Variants in WDR18 observed in about 807,000 individuals in gnomAD.
WDR18 encodes the protein WD repeat-containing protein 18.
Under a neutral mutation model 49.6 loss-of-function variants are expected in WDR18, and 33 were observed. The observed-to-expected ratio is 0.67, with a 90% CI of 0.50 to 0.89. WDR18 has a LOEUF of 0.89. Among genes scored for constraint, WDR18 ranks in the 40% least tolerant of loss-of-function variants. The pLI is 0.00. For missense variants in WDR18, 653 were observed against 593.6 expected (o/e 1.10, Z -1.04); for synonymous variants, 315 against 263.6 (o/e 1.19, Z -1.89).
At chr19:988,065 G>C (rs1020852841) in intron 2 of WDR18, among the ~76,000 whole-genome samples, 4 of 151,956 alleles carry the variant, frequency 2.6e-5, no homozygotes, top group Admixed American at 2.6e-4. Context: ...CCTGGTCTCA[G>C]GTGATCCGCC....
intron 8 of WDR18, 105 bp downstream of exon 8, chr19:992,226 C>G (rs2038568933): frequency 7.5e-7 from 1 of 1,333,348 alleles, no homozygotes; most frequent in Non-Finnish European, 9.7e-7. Flanking sequence ...CGGCGGTTCC[C>G]CACAAGCCCG....
upstream of WDR18, chr19:984,268 C>G: frequency 2.3e-6 from 3 of 1,333,004 alleles, no homozygotes; most frequent in Non-Finnish European, 2.9e-6. Flanking sequence ...CCGCTGGGGC[C>G]GCGGGGCCGC....
At chr19:985,997 C>G (rs2074574) in intron 2 of WDR18, 22 bp downstream of exon 2, 1,073,028 of 1,607,830 alleles carry the variant, frequency 0.67, 362,406 homozygotes, top group Non-Finnish European at 0.7. Context: ...AAAGCGTGAG[C>G]GTTTCCCACA....
Position 990,285 on chromosome 19 carries a change from TC to T in WDR18, c.522del (p.Ile175SerfsTer24). On this transcript the variant is annotated frameshift_variant, in exon 4 of 10. Transcript: ENST00000585809. LOFTEE classifies it high-confidence loss of function. ...AGGCACGTCTGGTCTCACCACGCGC[TC>T]CCCATCACGGACCTGCACTGCGGCT... is the stretch of plus-strand genomic sequence containing the variant. The part of the protein sequence containing the change: ...APRHVWSHHA[L>X]PITDLHCGFG... 1 of 1,598,760 alleles carries T rather than the reference TC, an allele frequency of 6.3e-7. No homozygotes were observed.
At chr19:984,654 C>T (rs991691688) in intron 1 of WDR18, 91 bp downstream of exon 1, 2 of 1,277,390 alleles carry the variant, frequency 1.6e-6, no homozygotes, top group Non-Finnish European at 2.0e-6. Flanking sequence ...CACCCTTAGT[C>T]GGAATTGGCG....
At chr19:984,298 C>T, upstream of WDR18, 2 of 1,471,982 alleles carry the variant, frequency 1.4e-6, no homozygotes, top group East Asian at 5.7e-5. Flanking sequence ...CCGCGTGGGG[C>T]AGTCGTCCGC....
upstream of WDR18, chr19:984,214 A>G (rs2038447785): frequency 2.2e-5 from 20 of 902,036 alleles, no homozygotes; most frequent in Non-Finnish European, 3.0e-5. Context: ...CTTCACAAGA[A>G]AGCCCCTCTC....
chr19:991,381 AGCGCGCAG>A, intron 7 of WDR18, 30 bp downstream of exon 7: 1 of 1,422,234 alleles, frequency 7.0e-7, no homozygotes, highest in South Asian at 1.2e-5. Context: ...GCCCGCGGCC[AGCGCGCAG>A]GGGAAAAAGC....
intron 2 of WDR18, among the ~76,000 whole-genome samples, 160 bp from the exon 3 acceptor site, chr19:989,602 G>GC (rs1301872890): frequency 1.3e-5 from 2 of 152,222 alleles, no homozygotes; most frequent in African/African-American, 4.8e-5. Flanking sequence ...GTACCTGCTG[G>GC]CCGCTGCCCT....
intron 7 of WDR18, 151 bp from the exon 8 acceptor site, chr19:991,804 G>T (rs1446431161): frequency 1.2e-6 from 1 of 834,746 alleles, no homozygotes. Context: ...GCGTGGACTG[G>T]TCGTGGGGCG....
At chr19:986,448 T>G (rs1175101132) in intron 2 of WDR18, among the ~76,000 whole-genome samples, 1 of 152,112 alleles carries the variant, frequency 6.6e-6, no homozygotes, top group Non-Finnish European at 1.5e-5. Flanking sequence ...TTGTTTGTAT[T>G]TAGTAGAGAA....
At chr19:985,751 C>T in intron 1 of WDR18, 114 bp from the exon 2 acceptor site, 4 of 936,854 alleles carry the variant, frequency 4.3e-6, no homozygotes, top group Non-Finnish European at 5.0e-6. Context: ...CCCGACTCCT[C>T]TTCCTGGTTC....
chr19:992,017 C>T lies in WDR18; in HGVS notation c.994C>T (p.Pro332Ser). The stretch of plus-strand genomic sequence containing the variant: ...CAGCATGCTGAGCTCAGACTTCAGG[C>T]CCAGCCTGCCGCTGCCCCACTTCAA... The part of the protein sequence containing the change: ...PVSMLSSDFR[P>S]SLPLPHFNKH... The change falls in exon 8 of 10, where the codon CCC becomes TCC. Residue 332 changes from proline to serine, a missense_variant. Pro to Ser is a moderately conservative substitution (Grantham distance 74). Coordinates refer to ENST00000585809, the MANE Select transcript of WDR18 (RefSeq NM_024100.4). 3 of 1,595,346 alleles carry T rather than the reference C, an allele frequency of 1.9e-6. No individual in the cohort carries two copies. The highest frequency in any genetic ancestry group is 2.6e-6 in the Non-Finnish European group (3 of 1,175,032).
At chr19:990,465 A>G in intron 4 of WDR18, 101 bp downstream of exon 4, 1 of 1,394,642 alleles carries the variant, frequency 7.2e-7, no homozygotes, top group Middle Eastern at 1.9e-4. Flanking sequence ...CCCTGCTGTC[A>G]GGACTCCAGA....
At chr19:987,421 TG>T (rs368230445) in intron 2 of WDR18, among the ~76,000 whole-genome samples, 1 of 152,280 alleles carries the variant, frequency 6.6e-6, no homozygotes, top group African/African-American at 2.4e-5. Context: ...CACGTGTGTA[TG>T]TATTTAATTT....
At chr19:989,937 C>A in intron 3 of WDR18, 42 bp downstream of exon 3, 2 of 1,550,954 alleles carry the variant, frequency 1.3e-6, no homozygotes, top group African/African-American at 1.4e-5. Context: ...GAACTGCACC[C>A]GGGCTCAGGC....
intron 2 of WDR18, among the ~76,000 whole-genome samples, chr19:986,872 CG>C (rs2038480940): frequency 6.6e-6 from 1 of 152,168 alleles, no homozygotes; most frequent in Non-Finnish European, 1.5e-5. Context: ...CATTATATTT[CG>C]GGGGAGACCT....
At chr19:983,401 C>G (rs2038438197), upstream of WDR18, among the ~76,000 whole-genome samples, 1 of 152,070 alleles carries the variant, frequency 6.6e-6, no homozygotes, top group African/African-American at 2.4e-5. Flanking sequence ...AAGCGATTCT[C>G]CTGCCTCAGC....
In WDR18 at chr19:994,404, G is replaced by GGCCC. The variant is rs2038605001; in HGVS notation, c.*63_*66dup. The GGCCC allele has an allele frequency of 6.5e-6, 10 of 1,547,466 alleles. No individual in the cohort carries two copies. The highest frequency in any genetic ancestry group is 8.7e-6 in the Non-Finnish European group (10 of 1,149,340). On this transcript the variant is annotated 3_prime_UTR_variant, in exon 10 of 10. Coordinates refer to ENST00000585809, the MANE Select transcript of WDR18 (RefSeq NM_024100.4). The stretch of plus-strand genomic sequence containing the variant: ...GAGCCCCATGCCTCCCAGCAACCAG[G>GGCCC]GCCCGCGGGTGTGGCCCCCACCAGC...
Sources: gnomAD v4.1 joint callset for allele counts (sites outside exome capture counted in the v4.1 genomes callset) on GRCh38, gnomAD v4.1.1 for gene constraint, MANE v1.5 for transcripts, NCBI Gene and HGNC (gene_info 2026-07-23, HGNC 2026-07-21) for gene names.